The following TRIM2 variants were observed in gnomAD, a reference collection of about 807,000 sequenced individuals.
TRIM2 encodes tripartite motif containing 2.
A neutral mutation model predicts 75.2 loss-of-function variants in TRIM2; 20 were observed. That is an observed-to-expected ratio of 0.27 (90% CI 0.19 to 0.39). The LOEUF is 0.39. TRIM2 is among the 10% of genes least tolerant of loss of function. The pLI is 1.00. For missense variants in TRIM2, 660 were observed against 990.8 expected (o/e 0.67, Z 4.48); for synonymous variants, 373 against 388.3 (o/e 0.96, Z 0.46).
At chr4:153,206,608 G>A (rs147413320) in intron 1 of TRIM2, among the ~76,000 whole-genome samples, 268 of 152,194 alleles carry the variant, frequency 1.8e-3, no homozygotes, top group African/African-American at 6.0e-3. Context: ...TTTTTATGGA[G>A]GCCTCATTAC....
intron 3 of TRIM2, among the ~76,000 whole-genome samples, chr4:153,286,734 C>T (rs1318826351): frequency 6.6e-6 from 1 of 151,808 alleles, no homozygotes; most frequent in Non-Finnish European, 1.5e-5. Flanking sequence ...CCCACACCAC[C>T]CCTGCCACAC....
chr4:153,274,493 C>A (rs1172700351), intron 2 of TRIM2, among the ~76,000 whole-genome samples: 1 of 152,116 alleles, frequency 6.6e-6, no homozygotes, highest in Non-Finnish European at 1.5e-5. Flanking sequence ...AGTTTTAGGA[C>A]CTGCAAGACA....
chr4:153,238,680 G>C (rs1367983950), intron 1 of TRIM2, among the ~76,000 whole-genome samples: 1 of 152,210 alleles, frequency 6.6e-6, no homozygotes, highest in Non-Finnish European at 1.5e-5. Context: ...AAGGCAACAA[G>C]CCTGGAGCCA....
At chr4:153,293,492 A>G (rs898460394) in intron 4 of TRIM2, among the ~76,000 whole-genome samples, 5 of 152,236 alleles carry the variant, frequency 3.3e-5, no homozygotes, top group Non-Finnish European at 7.3e-5. Context: ...ACACACATAC[A>G]GGCCATTTTG....
chr4:153,244,385 T>TTCTTCC (rs1748219673), intron 1 of TRIM2, among the ~76,000 whole-genome samples: 1 of 72,806 alleles, frequency 1.4e-5, no homozygotes, highest in Admixed American at 1.6e-4. Context: ...CTTCTTCTTC[T>TTCTTCC]TCTTCTTCTT....
chr4:153,286,147 G>T lies in TRIM2; in HGVS notation c.454-6835G>T, dbSNP rs140767508. Reference sequence around the variant, plus strand: ...GTATTACATACAGTAATTTGTCTAGGTAAGCCACCCTTGCATTCCTGGGAT... The same window carrying T: ...GTATTACATACAGTAATTTGTCTAGTTAAGCCACCCTTGCATTCCTGGGAT... On this transcript the variant is annotated intron_variant, in intron 3 of 11. Coordinates refer to ENST00000338700, the MANE Select transcript of TRIM2 (RefSeq NM_015271.5). Among the ~76,000 whole-genome samples the T allele has an allele frequency of 2.9e-3, 438 of 152,208 alleles. 7 individuals carry two copies. In the Middle Eastern group the frequency reaches 0.051, roughly 18 times the overall value.
rs77071040 is a variant in TRIM2, at chr4:153,338,051, C to T, written c.*3085C>T. The stretch of plus-strand genomic sequence containing the variant: ...TTAGTCTCCAGAACTAAACAAGTCC[C>T]TAAGTTTCCTTATTTTAATTTACTG... On this transcript the variant is annotated 3_prime_UTR_variant, in exon 12 of 12. Transcript: ENST00000338700. 5.4e-3 allele frequency: 5,367 copies of T among 985,666 alleles called. 210 individuals carry two copies. In the African/African-American group the frequency reaches 0.082, roughly 15 times the overall value. The allele number at this position is 985,666 out of a possible 1,614,324, so 61.1% of individuals were successfully genotyped here. A position where few individuals can be genotyped will look rare whatever the true frequency, so the allele number is the denominator to read the frequency against.
rs1373857269 is a variant in TRIM2, at chr4:153,295,972, A to G, written c.1446A>G (p.Ala482=). 6 of 1,561,672 alleles carry G rather than the reference A, an allele frequency of 3.8e-6. No individual in the cohort carries two copies. The highest frequency in any genetic ancestry group is 5.2e-6 in the Non-Finnish European group (6 of 1,156,970). ...AGCAGAAAGCTGTGAAAAGACCCGC[A>G]AGCATGTACAGCACTGGAAAACGAA... The part of the protein sequence containing the change: ...HVKQKAVKRP[A]SMYSTGKRKE... The change falls in exon 6 of 12, where the codon GCA becomes GCG. Residue 482 remains alanine, a synonymous_variant. Transcript: ENST00000338700. This position sits in a 1 kb window ranked among gnomAD's most constrained non-coding sequence, Gnocchi z 7.2.
At chr4:153,238,431 G>A (rs1338078706) in intron 1 of TRIM2, among the ~76,000 whole-genome samples, 8 of 152,176 alleles carry the variant, frequency 5.3e-5, no homozygotes, top group African/African-American at 1.9e-4. Context: ...ACTGGAGACA[G>A]GAGAGACATG....
chr4:153,178,647 T>C (rs1455148609), intron 1 of TRIM2, among the ~76,000 whole-genome samples: 2 of 152,166 alleles, frequency 1.3e-5, no homozygotes, highest in African/African-American at 4.8e-5. Flanking sequence ...TGACTCCTGG[T>C]CAAAAAAATT....
At chr4:153,296,429 T>C (rs1011397194) in intron 6 of TRIM2, among the ~76,000 whole-genome samples, 1 of 152,170 alleles carries the variant, frequency 6.6e-6, no homozygotes. Flanking sequence ...CCAACGCCCC[T>C]CTTCCCTGGG....
At chr4:153,293,670 C>T (rs1762251697) in intron 4 of TRIM2, among the ~76,000 whole-genome samples, 2 of 152,140 alleles carry the variant, frequency 1.3e-5, no homozygotes, top group South Asian at 4.1e-4. Flanking sequence ...AATGAGAAGC[C>T]AGCAGAAAAG....
intron 1 of TRIM2, chr4:153,266,940 GAGA>G (rs1300191162): frequency 1.3e-5 from 2 of 148,186 alleles, no homozygotes; most frequent in Non-Finnish European, 3.0e-5. Flanking sequence ...AGTGGGAGTG[GAGA>G]AGGAGAAACA....
At chr4:153,266,326 T>C (rs1304944457) in intron 1 of TRIM2, among the ~76,000 whole-genome samples, 1 of 147,276 alleles carries the variant, frequency 6.8e-6, no homozygotes, top group South Asian at 2.2e-4. Flanking sequence ...TGTGCCACCA[T>C]GCCTGGCTAA....
intron 1 of TRIM2, among the ~76,000 whole-genome samples, chr4:153,163,883 T>C (rs1011603166): frequency 3.9e-5 from 6 of 152,078 alleles, no homozygotes; most frequent in African/African-American, 9.7e-5. Flanking sequence ...GTATTTTTGT[T>C]ATTCACATAC....
rs911377427 is a variant in TRIM2, at chr4:153,275,875, C to T, written c.216-18C>T. On this transcript the variant is annotated intron_variant, in intron 2 of 11. Transcript: ENST00000338700. ...GTTCTGCACTGTGCTAAGCTCTCCACCTCTGCTTCTGCAACAGGTGCCTGC... is the reference window on the plus strand; with the variant it reads ...GTTCTGCACTGTGCTAAGCTCTCCATCTCTGCTTCTGCAACAGGTGCCTGC... The T allele has an allele frequency of 1.9e-6, 3 of 1,611,362 alleles. No individual in the cohort carries two copies. The highest frequency in any genetic ancestry group is 2.5e-6 in the Non-Finnish European group (3 of 1,177,740).
At chr4:153,253,769 G>A (rs183095791) in intron 1 of TRIM2, among the ~76,000 whole-genome samples, 1 of 152,216 alleles carries the variant, frequency 6.6e-6, no homozygotes, top group Admixed American at 6.5e-5. Flanking sequence ...CCAGCGCTGC[G>A]ACAGTTTACA....
intron 6 of TRIM2, among the ~76,000 whole-genome samples, chr4:153,311,113 T>C (rs1259024074): frequency 6.6e-6 from 1 of 152,222 alleles, no homozygotes; most frequent in Non-Finnish European, 1.5e-5. Context: ...TCTATTACTA[T>C]GGAATCCAAC....
At chr4:153,328,700 G>A (rs369692201) in intron 11 of TRIM2, 30 bp downstream of exon 11, 2 of 1,544,674 alleles carry the variant, frequency 1.3e-6, no homozygotes, top group South Asian at 1.3e-5. Flanking sequence ...TATATGGTTA[G>A]AGTGTTTGGT....
Sources: gnomAD v4.1 joint callset for allele counts (sites outside exome capture counted in the v4.1 genomes callset) on GRCh38, gnomAD v4.1.1 for gene constraint, Gnocchi (gnomAD v3.1) non-coding constraint, MANE v1.5 for transcripts, NCBI Gene and HGNC (gene_info 2026-07-23, HGNC 2026-07-21) for gene names.